Variants in ATG2B observed in about 807,000 individuals in gnomAD.
The protein encoded by ATG2B is autophagy related 2B.
ATG2B carries 121 observed loss-of-function variants against 241.3 expected under a neutral mutation model. The observed-to-expected ratio is 0.50, with a 90% CI of 0.43 to 0.58. The LOEUF is 0.58. ATG2B is among the 20% of genes least tolerant of loss of function. The probability of loss-of-function intolerance (pLI) is 0.00; values close to 1 mark genes in which losing one functional copy is unlikely to be tolerated. For missense variants in ATG2B, 2,306 were observed against 2,491.6 expected, an observed-to-expected ratio of 0.93 and a Z score of 1.59; for synonymous variants, 858 against 876.6, an observed-to-expected ratio of 0.98 and a Z score of 0.37.
chr14:96,281,652 A>C lies in ATG2B; in HGVS notation c.*4103T>G, dbSNP rs1886202515. The C allele has an allele frequency of 6.6e-6, 1 of 152,258 alleles. No individual in the cohort carries two copies. The highest frequency in any genetic ancestry group is 2.1e-4 in the South Asian group (1 of 4,836). 9.4% of individuals were successfully genotyped at this position (152,258 alleles called of 1,614,324 possible). A position where few individuals can be genotyped will look rare whatever the true frequency, so the allele number is the denominator to read the frequency against. The stretch of plus-strand genomic sequence containing the variant: ...ACACAAAATACAAGTGAAACAGTGA[A>C]GTAAACATATTTTTAGAGGGAGGTG... On this transcript the variant is annotated 3_prime_UTR_variant, in exon 42 of 42. Coordinates refer to ENST00000359933, the MANE Select transcript of ATG2B (RefSeq NM_018036.7).
At chr14:96,288,426 C>A (rs2139834042) in intron 41 of ATG2B, among the ~76,000 whole-genome samples, 1 of 152,336 alleles carries the variant, frequency 6.6e-6, no homozygotes, top group South Asian at 2.1e-4. Flanking sequence ...GTCTGTTTCA[C>A]AGATCTAATT....
intron 6 of ATG2B, among the ~76,000 whole-genome samples, chr14:96,338,926 C>T (rs976096336): frequency 1.3e-5 from 2 of 151,976 alleles, no homozygotes; most frequent in Non-Finnish European, 2.9e-5. Flanking sequence ...GGAGTTCAAA[C>T]AAATCGGCAA....
chr14:96,308,149 T>TAC (rs977476861), intron 29 of ATG2B, among the ~76,000 whole-genome samples: 5 of 144,384 alleles, frequency 3.5e-5, no homozygotes, highest in Non-Finnish European at 6.0e-5. Context: ...TATATACATA[T>TAC]ACACACACAC....
intron 6 of ATG2B, among the ~76,000 whole-genome samples, chr14:96,335,632 T>A (rs1887850070): frequency 1.3e-5 from 2 of 152,156 alleles, no homozygotes; most frequent in Admixed American, 1.3e-4. Context: ...GGAAAAGCCC[T>A]CACTCCTTCC....
intron 10 of ATG2B, 116 bp from the exon 11 acceptor site, chr14:96,331,753 A>T (rs1191683729): frequency 2.4e-6 from 2 of 817,810 alleles, no homozygotes; most frequent in Non-Finnish European, 3.7e-6. Context: ...CAACAGTTTG[A>T]ATGATATTAA....
At chr14:96,327,165 G>A (rs1192991224) in intron 14 of ATG2B, among the ~76,000 whole-genome samples, 1 of 151,900 alleles carries the variant, frequency 6.6e-6, no homozygotes, top group Non-Finnish European at 1.5e-5. Context: ...AAGCCAAGGG[G>A]GTCAAGACTG....
chr14:96,320,143 C>G lies in ATG2B; in HGVS notation c.2879+1969G>C, dbSNP rs556287024. On this transcript the variant is annotated intron_variant, in intron 18 of 41. Transcript: ENST00000359933. ...TAAGCAGTCAGCTACCCAATTACCC[C>G]CAAGTGCCACAACAACGGAAGCCCC... 3.3e-5 allele frequency among the ~76,000 whole-genome samples: 5 copies of G among 152,222 alleles called. No homozygotes were observed. The East Asian group carries it at 9.6e-4, about 29-fold the overall frequency.
chr14:96,325,857 T>G lies in ATG2B; in HGVS notation c.2229A>C (p.Val743=), dbSNP rs372166077. The part of the protein sequence containing the change: ...SHSPANCRIS[V]QVATPALNLS... ...GGTTTAATGCTGGTGTGGCAACTTG[T>G]ACTGATATCCGACAATTTGCAGGAC... Residue 743 remains valine (V), a synonymous_variant, in exon 15 of 42, where the codon GTA becomes GTC. Transcript: ENST00000359933. 1.9e-6 allele frequency: 3 copies of G among 1,613,938 alleles called. No individual in the cohort carries two copies.
intron 8 of ATG2B, 80 bp from the exon 9 acceptor site, chr14:96,332,735 C>A (rs914398212): frequency 1.2e-5 from 14 of 1,148,004 alleles, no homozygotes; most frequent in Admixed American, 9.2e-5. Flanking sequence ...TACGTTAATA[C>A]AATCCTCTTC....
chr14:96,302,517 C>T (rs902823400), intron 33 of ATG2B, among the ~76,000 whole-genome samples: 15 of 151,944 alleles, frequency 9.9e-5, no homozygotes, highest in East Asian at 1.9e-4. Context: ...CAGGAGGTCA[C>T]GGCTGCAGTG....
intron 1 of ATG2B, among the ~76,000 whole-genome samples, chr14:96,354,014 A>G (rs1888406052): frequency 1.3e-5 from 2 of 152,344 alleles, no homozygotes; most frequent in East Asian, 3.9e-4. Flanking sequence ...ATTCTCTACA[A>G]CTATTTAAAA....
chr14:96,333,718 T>C lies in ATG2B; in HGVS notation c.1177A>G (p.Thr393Ala). 1 of 1,613,908 alleles carries C rather than the reference T, an allele frequency of 6.2e-7. No homozygotes were observed. The highest frequency in any genetic ancestry group is 8.5e-7 in the Non-Finnish European group (1 of 1,179,856). The change falls in exon 8 of 42, where the codon ACA becomes GCA. Residue 393 changes from threonine to alanine, a missense_variant. Physicochemically the swap from Thr to Ala is moderately conservative, Grantham distance 58 (BLOSUM62 0). Coordinates refer to ENST00000359933, the MANE Select transcript of ATG2B (RefSeq NM_018036.7). Reference protein sequence around the residue: ...GVSSEQSFYETETARTPSSRE... With the variant: ...GVSSEQSFYEAETARTPSSRE... ...CTAGAAGGTGTACGAGCTGTTTCTGTCTCATAAAAGCTTTGCTCTGAAGAT... is the reference window on the plus strand; with the variant it reads ...CTAGAAGGTGTACGAGCTGTTTCTGCCTCATAAAAGCTTTGCTCTGAAGAT...
chr14:96,347,063 A>C (rs1032049355), intron 2 of ATG2B, 116 bp downstream of exon 2: 22 of 893,944 alleles, frequency 2.5e-5, no homozygotes, highest in Non-Finnish European at 3.5e-5. Flanking sequence ...GTAATGTATT[A>C]TCAACTGAAA....
intron 1 of ATG2B, among the ~76,000 whole-genome samples, chr14:96,359,293 G>C (rs1325361366): frequency 2.0e-5 from 3 of 151,926 alleles, no homozygotes; most frequent in Admixed American, 6.5e-5. Context: ...TAGGAGGATC[G>C]CTTGAGCCTA....
At chr14:96,353,559 G>A (rs1260329666) in intron 1 of ATG2B, among the ~76,000 whole-genome samples, 16 of 152,046 alleles carry the variant, frequency 1.1e-4, no homozygotes. Context: ...CTGGGAGGCT[G>A]AGGTTGCAGA....
At chr14:96,296,451 C>T (rs1217647102) in intron 34 of ATG2B, among the ~76,000 whole-genome samples, 1 of 151,998 alleles carries the variant, frequency 6.6e-6, no homozygotes, top group African/African-American at 2.4e-5. Flanking sequence ...TGAGCCTGAT[C>T]TTATTCTTTC....
chr14:96,324,127 C>A, intron 15 of ATG2B, 129 bp from the exon 16 acceptor site: 2 of 636,200 alleles, frequency 3.1e-6, no homozygotes, highest in Non-Finnish European at 5.3e-6. Flanking sequence ...TTCAGTTGTT[C>A]TGGTTTCATG....
intron 27 of ATG2B, 120 bp downstream of exon 27, chr14:96,311,422 A>T (rs905600720): frequency 1.7e-6 from 2 of 1,159,794 alleles, no homozygotes; most frequent in Non-Finnish European, 2.4e-6. Context: ...AAATAAATCC[A>T]TTTTTAATAT....
intron 38 of ATG2B, 80 bp from the exon 39 acceptor site, chr14:96,291,015 TAAAAC>T (rs1442938621): frequency 2.3e-6 from 3 of 1,286,612 alleles, no homozygotes; most frequent in Non-Finnish European, 3.2e-6. Context: ...TTTTTTTACT[TAAAAC>T]AAATTCTACA....
Sources: allele counts gnomAD v4.1 joint callset (sites outside exome capture counted in the v4.1 genomes callset), GRCh38; gene constraint gnomAD v4.1.1; transcripts MANE v1.5; gene names NCBI Gene and HGNC (gene_info 2026-07-23, HGNC 2026-07-21).